The following LRRC39 variants were observed in gnomAD, a reference collection of about 807,000 sequenced individuals.
LRRC39 encodes leucine rich repeat containing 39, also known as leucine-rich repeat-containing protein 39.
In LRRC39, 35 loss-of-function variants were observed where a neutral mutation model predicts 39.7. That is an observed-to-expected ratio of 0.88 (90% confidence interval 0.67 to 1.17). The LOEUF (loss-of-function observed/expected upper bound fraction) is 1.17. LRRC39 is among the 50% of genes most tolerant of loss of function. The probability of loss-of-function intolerance (pLI) is 0.00; values close to 1 mark genes in which losing one functional copy is unlikely to be tolerated. For missense variants in LRRC39, 357 were observed against 385.8 expected, an observed-to-expected ratio of 0.93 and a Z score of 0.62; for synonymous variants, 113 against 134.1, an observed-to-expected ratio of 0.84 and a Z score of 1.09.
At chr1:100,179,201 G>A (rs757209265), upstream of LRRC39, among the ~76,000 whole-genome samples, 4 of 152,024 alleles carry the variant, frequency 2.6e-5, no homozygotes, top group Non-Finnish European at 5.9e-5. Context: ...AAAAATTTAT[G>A]CCTGATTATC....
chr1:100,158,563 G>A (rs1405905497), intron 5 of LRRC39, among the ~76,000 whole-genome samples, 196 bp from the exon 6 acceptor site: 3 of 151,828 alleles, frequency 2.0e-5, no homozygotes, highest in Non-Finnish European at 4.4e-5. Flanking sequence ...TCAGCCTCCC[G>A]GTAGCTGGGA....
At chr1:100,178,698 G>C (rs1002671172), upstream of LRRC39, among the ~76,000 whole-genome samples, 1 of 152,156 alleles carries the variant, frequency 6.6e-6, no homozygotes, top group African/African-American at 2.4e-5. Flanking sequence ...CTCTCACTTT[G>C]ATCTCTTCAG....
intron 2 of LRRC39, among the ~76,000 whole-genome samples, chr1:100,173,060 A>T (rs542884686): frequency 1.3e-5 from 2 of 151,446 alleles, no homozygotes; most frequent in East Asian, 3.9e-4. Flanking sequence ...AAAAATAAAA[A>T]TAAAATAAAT....
At chr1:100,167,048 T>G (rs1322768583) in intron 3 of LRRC39, among the ~76,000 whole-genome samples, 3 of 152,202 alleles carry the variant, frequency 2.0e-5, no homozygotes, top group Non-Finnish European at 4.4e-5. Context: ...TCTTAATTTA[T>G]CTAAACCAAT....
chr1:100,152,525 C>T lies in LRRC39; in HGVS notation c.813-1G>A. ...TGGGTTGTCTCTGAAGTTGACAAAC[C>T]TAGAAGTTCATCAAAAAACAGTATT... On this transcript the variant is annotated splice_acceptor_variant, in intron 8 of 9. Transcript: ENST00000370137. LOFTEE classifies it high-confidence loss of function. 1.2e-6 allele frequency: 2 copies of T among 1,612,400 alleles called. No individual in the cohort carries two copies. The highest frequency in any genetic ancestry group is 1.7e-6 in the Non-Finnish European group (2 of 1,179,450).
At chr1:100,176,095 T>G (rs1659937176) in intron 1 of LRRC39, among the ~76,000 whole-genome samples, 1 of 152,180 alleles carries the variant, frequency 6.6e-6, no homozygotes, top group Non-Finnish European at 1.5e-5. Context: ...CCCAGCAATG[T>G]TTTACATGAT....
At chr1:100,150,789 A>G in intron 9 of LRRC39, among the ~76,000 whole-genome samples, 1 of 152,160 alleles carries the variant, frequency 6.6e-6, no homozygotes, top group Non-Finnish European at 1.5e-5. Context: ...CTTCAGATTC[A>G]CCTGCACAAT....
chr1:100,150,228 T>C (rs984792132), intron 9 of LRRC39: 7 of 152,152 alleles, frequency 4.6e-5, no homozygotes, highest in Admixed American at 2.0e-4. Context: ...TGGTAGTAAC[T>C]CGTGAATCTT....
chr1:100,175,373 T>C (rs1325983701), intron 1 of LRRC39, among the ~76,000 whole-genome samples: 1 of 145,646 alleles, frequency 6.9e-6, no homozygotes, highest in Non-Finnish European at 1.5e-5. Flanking sequence ...TTTTTGGTAG[T>C]GACAGGATGT....
At chr1:100,173,046 CA>C (rs953023357) in intron 2 of LRRC39, among the ~76,000 whole-genome samples, 65 of 146,074 alleles carry the variant, frequency 4.4e-4, no homozygotes, top group African/African-American at 1.5e-3. Context: ...AATCTGTCTC[CA>C]AAAAAAATAA....
intron 3 of LRRC39, among the ~76,000 whole-genome samples, chr1:100,164,044 G>A (rs1481158075): frequency 6.6e-6 from 1 of 152,092 alleles, no homozygotes; most frequent in Non-Finnish European, 1.5e-5. Context: ...ATACACTCCA[G>A]CCTGGGTGAC....
intron 4 of LRRC39, 115 bp downstream of exon 4, chr1:100,160,348 GTAT>G (rs1658783335): frequency 1.6e-6 from 1 of 618,246 alleles, no homozygotes; most frequent in South Asian, 3.0e-5. Context: ...TTCATTTGGT[GTAT>G]TATTAAAATT....
At chr1:100,160,654 T>C in intron 3 of LRRC39, 83 bp from the exon 4 acceptor site, 1 of 1,138,552 alleles carries the variant, frequency 8.8e-7, no homozygotes, top group Non-Finnish European at 1.3e-6. Flanking sequence ...AGAGAGAGTT[T>C]CACTCTTTTG....
chr1:100,155,605 TGAA>T lies in LRRC39; in HGVS notation c.660-405_660-403del, dbSNP rs1193863477. ...CTTTCACTATTCTCATAGGATTTCTTGAAGAAGAACTACTGTAAATGTTACCTA... is the reference window on the plus strand; with the variant it reads ...CTTTCACTATTCTCATAGGATTTCTTGAAGAACTACTGTAAATGTTACCTA... On this transcript the variant is annotated intron_variant, in intron 7 of 9. Coordinates refer to ENST00000370137, the MANE Select transcript of LRRC39 (RefSeq NM_144620.4). Among the ~76,000 whole-genome samples the T allele has an allele frequency of 5.3e-5, 8 of 152,230 alleles. 1 individual carries two copies. In the South Asian group the frequency reaches 6.2e-4, roughly 12 times the overall value.
At chr1:100,179,008 A>G (rs938032973), upstream of LRRC39, among the ~76,000 whole-genome samples, 2 of 152,180 alleles carry the variant, frequency 1.3e-5, no homozygotes, top group Admixed American at 6.5e-5. Flanking sequence ...ACATACAAAA[A>G]TGGTAGCATA....
At chr1:100,163,098 A>G (rs1000531004) in intron 3 of LRRC39, among the ~76,000 whole-genome samples, 2 of 152,208 alleles carry the variant, frequency 1.3e-5, no homozygotes, top group Non-Finnish European at 2.9e-5. Context: ...CTAAACAGCT[A>G]AGCTTCCCAT....
chr1:100,170,931 AAAG>A (rs781274858), intron 2 of LRRC39, among the ~76,000 whole-genome samples: 14 of 152,326 alleles, frequency 9.2e-5, no homozygotes, highest in Non-Finnish European at 1.8e-4. Flanking sequence ...ACACTAAGCA[AAAG>A]AAGGCTAGTA....
chr1:100,163,762 A>G (rs1005867557), intron 3 of LRRC39, among the ~76,000 whole-genome samples: 1 of 151,962 alleles, frequency 6.6e-6, no homozygotes, highest in Non-Finnish European at 1.5e-5. Flanking sequence ...TCTAATCGAA[A>G]TTTTATAACT....
At position 100,176,629 on chromosome 1, in the gene LRRC39, C is replaced by G. The variant is rs4474278; in HGVS notation, c.-119+1506G>C. On this transcript the variant is annotated intron_variant, in intron 1 of 9. Coordinates refer to ENST00000370137, the MANE Select transcript of LRRC39 (RefSeq NM_144620.4). ...GAAAGCCACAGTCCATATATAGAGC[C>G]AACAAAATGTGGCATGATTTTTTAG... Among the ~76,000 whole-genome samples the G allele has an allele frequency of 3.2e-3, 480 of 152,216 alleles. 3 individuals carry two copies. Among genetic ancestry groups the G allele is most frequent in the African/African-American group, 0.011 (445 of 41,518 alleles).
Sources: gnomAD v4.1 joint callset for allele counts (sites outside exome capture counted in the v4.1 genomes callset) on GRCh38, gnomAD v4.1.1 for gene constraint, MANE v1.5 for transcripts, NCBI Gene and HGNC (gene_info 2026-07-23, HGNC 2026-07-21) for gene names.